FBXO40: variants seen among roughly 807,000 people sequenced by gnomAD.
The protein encoded by FBXO40 is F-box protein 40.
FBXO40 carries 50 observed loss-of-function variants against 49.9 expected under a neutral mutation model. The ratio of observed to expected loss-of-function variants is 1.00; its 90% CI spans 0.80 to 1.27. FBXO40 has a LOEUF of 1.27. Ranked by LOEUF, FBXO40 falls within the 50% of genes most tolerant of loss-of-function variation. The pLI is 0.00. For missense variants in FBXO40, 895 were observed against 870.1 expected, an observed-to-expected ratio of 1.03 and a Z score of -0.36; for synonymous variants, 340 against 320.2, an observed-to-expected ratio of 1.06 and a Z score of -0.66.
chr3:121,604,974 A>ATTAT (rs148728112), intron 1 of FBXO40, among the ~76,000 whole-genome samples: 3 of 132,942 alleles, frequency 2.3e-5, no homozygotes, highest in African/African-American at 8.6e-5. Flanking sequence ...TTATTTATTT[A>ATTAT]TTATTTATTT....
intron 1 of FBXO40, among the ~76,000 whole-genome samples, chr3:121,596,993 G>A (rs1016776665): frequency 1.3e-5 from 2 of 152,124 alleles, no homozygotes; most frequent in Non-Finnish European, 2.9e-5. Context: ...GGGTCCTTAA[G>A]AAGTATTATC....
intron 1 of FBXO40, among the ~76,000 whole-genome samples, chr3:121,612,197 A>G (rs1264166131): frequency 6.6e-6 from 1 of 152,238 alleles, no homozygotes; most frequent in Non-Finnish European, 1.5e-5. Flanking sequence ...TGTCAGGCAC[A>G]GAAAAGGGTA....
chr3:121,622,719 A>C lies in FBXO40; in HGVS notation c.1290A>C (p.Thr430=). 1 of 1,614,168 alleles carries C rather than the reference A, an allele frequency of 6.2e-7. No individual in the cohort carries two copies. Among genetic ancestry groups the C allele is most frequent in the Non-Finnish European group, 8.5e-7 (1 of 1,180,026 alleles). The part of the protein sequence containing the change: ...DGLFMDFATQ[T]YNFEPEQFSS... ...TGTTCATGGATTTTGCCACACAAAC[A>C]TACAACTTTGAGCCAGAACAGTTTT... The change falls in exon 3 of 4, where the codon ACA becomes ACC. Residue 430 remains threonine (T), a synonymous_variant. Coordinates refer to ENST00000338040, the MANE Select transcript of FBXO40 (RefSeq NM_016298.4).
At chr3:121,615,968 A>T (rs754203447) in intron 1 of FBXO40, among the ~76,000 whole-genome samples, 21 of 152,146 alleles carry the variant, frequency 1.4e-4, no homozygotes, top group Non-Finnish European at 1.3e-4. Context: ...AGCTTCCTTT[A>T]ACATAATCAC....
rs948709463 is a variant in FBXO40 at position 121,618,917 on chromosome 3, C to CT, written c.-30-1615dup. 5.7e-3 allele frequency among the ~76,000 whole-genome samples: 798 copies of CT among 139,622 alleles called. 7 individuals carry two copies. The highest frequency in any genetic ancestry group is 0.013 in the African/African-American group (500 of 38,062). The allele number at this position is 139,622 out of a possible 152,430, so 91.6% of individuals were successfully genotyped here. A position where few individuals can be genotyped will look rare whatever the true frequency, so the allele number is the denominator to read the frequency against. On this transcript the variant is annotated intron_variant, in intron 1 of 3. Coordinates refer to ENST00000338040, the MANE Select transcript of FBXO40 (RefSeq NM_016298.4). ...CACCTTTTCTGTATATTTGAAATGT[C>CT]TTTTTTTTTTTTTTAAGTTGGGGGA...
At chr3:121,616,018 A>G (rs563754809) in intron 1 of FBXO40, among the ~76,000 whole-genome samples, 1 of 152,292 alleles carries the variant, frequency 6.6e-6, no homozygotes, top group Admixed American at 6.5e-5. Context: ...CACACTGGGA[A>G]TTAGACTTCC....
chr3:121,600,157 A>G (rs1186571639), intron 1 of FBXO40, among the ~76,000 whole-genome samples: 1 of 149,516 alleles, frequency 6.7e-6, no homozygotes, highest in Non-Finnish European at 1.5e-5. Context: ...CAGCCCTCCA[A>G]GCAGCTAAGA....
chr3:121,599,282 A>C (rs778321884), intron 1 of FBXO40, among the ~76,000 whole-genome samples: 44 of 152,098 alleles, frequency 2.9e-4, no homozygotes, highest in Non-Finnish European at 5.3e-4. Flanking sequence ...AGCCTGGCCA[A>C]CATGGCAAAA....
chr3:121,611,491 A>G (rs1483242003), intron 1 of FBXO40, among the ~76,000 whole-genome samples: 2 of 152,210 alleles, frequency 1.3e-5, no homozygotes, highest in Non-Finnish European at 2.9e-5. Flanking sequence ...ATAACAAGGC[A>G]GCATTGCTGT....
At position 121,616,109 on chromosome 3, in the gene FBXO40, C is replaced by T. The variant is rs150575341; in HGVS notation, c.-30-4437C>T. On this transcript the variant is annotated intron_variant, in intron 1 of 3. Transcript: ENST00000338040. ...CTCAGCCACCCTGCTCTGTTCCTCT[C>T]CTTCTCTGGCTTTAACACCTTTGTT... is the stretch of plus-strand genomic sequence containing the variant. Among the ~76,000 whole-genome samples the T allele has an allele frequency of 1.2e-3, 188 of 152,290 alleles. 2 individuals carry two copies. The highest frequency in any genetic ancestry group is 4.3e-3 in the African/African-American group (179 of 41,552).
chr3:121,600,619 T>G (rs1236117662), intron 1 of FBXO40, among the ~76,000 whole-genome samples: 1 of 152,162 alleles, frequency 6.6e-6, no homozygotes. Flanking sequence ...TCCCACACCA[T>G]GTGGATCAAA....
At chr3:121,595,272 C>T (rs905465902) in intron 1 of FBXO40, among the ~76,000 whole-genome samples, 1 of 152,178 alleles carries the variant, frequency 6.6e-6, no homozygotes, top group African/African-American at 2.4e-5. Flanking sequence ...AATCACCTAA[C>T]TTCATTTAAT....
intron 1 of FBXO40, among the ~76,000 whole-genome samples, chr3:121,606,356 T>C (rs1284924008): frequency 2.0e-5 from 3 of 152,240 alleles, no homozygotes; most frequent in Admixed American, 2.0e-4. Context: ...ACAGGTTTAA[T>C]TCAAGACAAA....
rs779072550 is a variant in FBXO40, at chr3:121,621,655, A to C, written c.226A>C (p.Met76Leu). Reference sequence around the variant, plus strand: ...CTCCGAATATGGCTGCCCTCTGTCCATGTCCCGCCACAAACTGGCCAAGCA... The same window carrying C: ...CTCCGAATATGGCTGCCCTCTGTCCCTGTCCCGCCACAAACTGGCCAAGCA... The part of the protein sequence containing the change: ...LNSEYGCPLS[M>L]SRHKLAKHLQ... Residue 76 changes from methionine to leucine, a missense_variant, in exon 3 of 4, where the codon ATG (methionine) becomes CTG (leucine). Met to Leu is a conservative substitution (Grantham distance 15, BLOSUM62 2). Transcript: ENST00000338040. The C allele has an allele frequency of 6.2e-7, 1 of 1,613,762 alleles. No individual in the cohort carries two copies. Among genetic ancestry groups the C allele is most frequent in the South Asian group, 1.1e-5 (1 of 91,080 alleles).
intron 1 of FBXO40, among the ~76,000 whole-genome samples, chr3:121,596,927 A>AT (rs2048875567): frequency 1.3e-5 from 2 of 152,170 alleles, no homozygotes; most frequent in Non-Finnish European, 2.9e-5. Flanking sequence ...TCGTTGACTG[A>AT]GTGCTGGGGG....
intron 1 of FBXO40, among the ~76,000 whole-genome samples, chr3:121,614,788 T>G (rs2048987986): frequency 6.6e-6 from 1 of 152,188 alleles, no homozygotes; most frequent in African/African-American, 2.4e-5. Context: ...GCAGACTGTT[T>G]TCCTTCCGAG....
In FBXO40 at chr3:121,604,934, CTTTATTTATTTATTTA is replaced by C. The variant is rs138412565; in HGVS notation, c.-31+11459_-31+11474del. Among the ~76,000 whole-genome samples, 96 of 145,792 alleles carry C rather than the reference CTTTATTTATTTATTTA, an allele frequency of 6.6e-4. No individual in the cohort carries two copies. In the East Asian group the frequency reaches 0.01, roughly 15 times the overall value. On this transcript the variant is annotated intron_variant, in intron 1 of 3. Transcript: ENST00000338040. ...TGGTTATGTGGAGAAGGTTGGCTGG[CTTTATTTATTTATTTA>C]TTTATTTATTTATTTATTTATTTAT...
chr3:121,623,688 CTT>C (rs11455375), intron 3 of FBXO40, among the ~76,000 whole-genome samples: 13 of 128,942 alleles, frequency 1.0e-4, no homozygotes, highest in African/African-American at 1.8e-4. Context: ...TTTTAAAGGC[CTT>C]TTTTTTTTTT....
chr3:121,614,466 C>T (rs2048986435), intron 1 of FBXO40, among the ~76,000 whole-genome samples: 1 of 151,464 alleles, frequency 6.6e-6, no homozygotes, highest in African/African-American at 2.4e-5. Context: ...AAAGAAAATG[C>T]TAAACTGTTT....
Sources: allele counts gnomAD v4.1 joint callset (sites outside exome capture counted in the v4.1 genomes callset), GRCh38; gene constraint gnomAD v4.1.1; transcripts MANE v1.5; gene names NCBI Gene and HGNC (gene_info 2026-07-23, HGNC 2026-07-21).